MTHFD1: variants seen among roughly 807,000 people sequenced by gnomAD.
The protein encoded by MTHFD1 is methylenetetrahydrofolate dehydrogenase, cyclohydrolase and formyltetrahydrofolate synthetase 1.
A neutral mutation model predicts 110.3 loss-of-function variants in MTHFD1; 44 were observed. The ratio of observed to expected loss-of-function variants is 0.40; its 90% CI spans 0.31 to 0.51. MTHFD1 has a LOEUF of 0.51. Among genes scored for constraint, MTHFD1 ranks in the 20% least tolerant of loss-of-function variants. The pLI, the probability that MTHFD1 is intolerant of heterozygous loss-of-function variation, is 0.60. For synonymous variants in MTHFD1, 402 were observed against 428.8 expected (o/e 0.94, Z 0.77); for missense variants, 909 against 1,173.1 (o/e 0.77, Z 3.29).
intron 4 of MTHFD1, among the ~76,000 whole-genome samples, chr14:64,413,820 CTT>C (rs1491268567): frequency 6.6e-6 from 1 of 152,062 alleles, no homozygotes. Flanking sequence ...GTTCTTAGCT[CTT>C]TTTATTTTAT....
At chr14:64,405,997 A>G (rs2077932619) in intron 2 of MTHFD1, among the ~76,000 whole-genome samples, 1 of 149,140 alleles carries the variant, frequency 6.7e-6, no homozygotes, top group Non-Finnish European at 1.5e-5. Context: ...AATTTTATAT[A>G]TATGTGTGTG....
rs903176404 is a variant in MTHFD1, at chr14:64,454,894, G to T, written c.2718+19G>T. ...AGGAACGGTAAGTGCATGCTGCAAG[G>T]GAGTAGTGGGCGCATCTGCACTTCT... On this transcript the variant is annotated intron_variant, in intron 26 of 27. Coordinates refer to ENST00000652337, the MANE Select transcript of MTHFD1 (RefSeq NM_005956.4). The T allele has an allele frequency of 2.2e-5, 35 of 1,613,500 alleles. No homozygotes were observed. Among genetic ancestry groups the T allele is most frequent in the Admixed American group, 6.7e-5 (4 of 60,008 alleles).
At chr14:64,421,686 C>T (rs996538437) in intron 8 of MTHFD1, among the ~76,000 whole-genome samples, 2 of 151,300 alleles carry the variant, frequency 1.3e-5, no homozygotes, top group Non-Finnish European at 2.9e-5. Context: ...TGCTGTGGCG[C>T]GATCTCGGCT....
chr14:64,444,578 C>T (rs1223550361), intron 21 of MTHFD1, 115 bp from the exon 22 acceptor site: 5 of 1,139,462 alleles, frequency 4.4e-6, no homozygotes, highest in Non-Finnish European at 6.6e-6. Flanking sequence ...TAATCTTATA[C>T]TACTGTACAG....
chr14:64,454,929 T>G, intron 26 of MTHFD1, 54 bp downstream of exon 26: 1 of 1,589,572 alleles, frequency 6.3e-7, no homozygotes, highest in South Asian at 1.1e-5. Context: ...TCGTCTGAAG[T>G]GTGTTGCCGA....
chr14:64,415,492 T>C lies in MTHFD1; in HGVS notation c.375T>C (p.Asp125=). The change falls in exon 5 of 28, where the codon GAT becomes GAC. Residue 125 remains aspartate (D), a splice_region_variant and synonymous_variant. Coordinates refer to ENST00000652337, the MANE Select transcript of MTHFD1 (RefSeq NM_005956.4). ...CTATTGCACCCGAGAAGGATGTGGATGGGTAAGTGTGGCTTGGCTTCCTAT... is the reference window on the plus strand; with the variant it reads ...CTATTGCACCCGAGAAGGATGTGGACGGGTAAGTGTGGCTTGGCTTCCTAT... The part of the protein sequence containing the change: ...INAIAPEKDV[D]GLTSINAGKL... 5 of 1,614,174 alleles carry C rather than the reference T, an allele frequency of 3.1e-6. No individual in the cohort carries two copies. The highest frequency in any genetic ancestry group is 3.4e-6 in the Non-Finnish European group (4 of 1,180,002).
intron 8 of MTHFD1, among the ~76,000 whole-genome samples, chr14:64,423,286 T>A (rs2078089683): frequency 6.6e-6 from 1 of 152,132 alleles, no homozygotes; most frequent in Non-Finnish European, 1.5e-5. Flanking sequence ...GGAGGCTGCT[T>A]TTTCAATTTC....
At chr14:64,449,363 CAT>C in intron 23 of MTHFD1, 80 bp from the exon 24 acceptor site, 1 of 1,507,712 alleles carries the variant, frequency 6.6e-7, no homozygotes, top group Non-Finnish European at 9.2e-7. Flanking sequence ...GGGTAATTCA[CAT>C]GAGGTTTAAT....
chr14:64,434,992 C>A (rs1198250700), intron 15 of MTHFD1, among the ~76,000 whole-genome samples: 2 of 145,386 alleles, frequency 1.4e-5, no homozygotes, highest in Non-Finnish European at 3.0e-5. Flanking sequence ...GAGTCTCACC[C>A]AGGCTGGAGT....
intron 16 of MTHFD1, 149 bp downstream of exon 16, chr14:64,435,820 TTTC>T (rs1170076187): frequency 1.4e-6 from 1 of 690,662 alleles, no homozygotes. Flanking sequence ...ATTATTTCTT[TTTC>T]TTGCCACCTC....
intron 12 of MTHFD1, among the ~76,000 whole-genome samples, chr14:64,428,862 C>T (rs2078138039): frequency 6.6e-6 from 1 of 152,048 alleles, no homozygotes; most frequent in African/African-American, 2.4e-5. Context: ...CACCCTTCCA[C>T]CTATTTTATA....
chr14:64,404,298 A>G (rs2077921484), intron 2 of MTHFD1, among the ~76,000 whole-genome samples: 1 of 151,954 alleles, frequency 6.6e-6, no homozygotes, highest in Non-Finnish European at 1.5e-5. Context: ...GTTGCTCATC[A>G]CCCTAATACC....
intron 1 of MTHFD1, among the ~76,000 whole-genome samples, chr14:64,394,147 T>G (rs1403084368): frequency 6.6e-6 from 1 of 152,080 alleles, no homozygotes; most frequent in Non-Finnish European, 1.5e-5. Flanking sequence ...TCCTTGACCT[T>G]GAAGAAGTGG....
At chr14:64,423,683 A>T (rs1218472619) in intron 8 of MTHFD1, among the ~76,000 whole-genome samples, 1 of 149,354 alleles carries the variant, frequency 6.7e-6, no homozygotes, top group Non-Finnish European at 1.5e-5. Context: ...GGTGTGAGCC[A>T]CCACACCTGG....
At chr14:64,441,615 G>A (rs930433616) in intron 19 of MTHFD1, 162 bp downstream of exon 19, 4 of 665,592 alleles carry the variant, frequency 6.0e-6, no homozygotes, top group African/African-American at 1.8e-5. Context: ...GACCATCCTG[G>A]CTAACATGGT....
intron 1 of MTHFD1, among the ~76,000 whole-genome samples, chr14:64,392,582 A>C (rs1397729039): frequency 6.6e-6 from 1 of 152,154 alleles, no homozygotes; most frequent in African/African-American, 2.4e-5. Context: ...GGCCAAGTGC[A>C]GGGCAAGTTG....
At chr14:64,418,606 G>A (rs1261935953) in intron 7 of MTHFD1, among the ~76,000 whole-genome samples, 6 of 151,926 alleles carry the variant, frequency 3.9e-5, no homozygotes, top group African/African-American at 1.5e-4. Flanking sequence ...GCCCAGGCTG[G>A]AGTGCAATGG....
intron 1 of MTHFD1, among the ~76,000 whole-genome samples, chr14:64,395,200 G>A (rs2077837536): frequency 6.6e-6 from 1 of 152,188 alleles, no homozygotes; most frequent in Non-Finnish European, 1.5e-5. Context: ...GTGGCCTAGA[G>A]GCCAAATGTT....
chr14:64,415,393 T>C lies in MTHFD1; in HGVS notation c.276T>C (p.Ser92=), dbSNP rs371016333. The change falls in exon 5 of 28, where the codon TCT becomes TCC. Residue 92 remains serine (S), a synonymous_variant. Transcript: ENST00000652337. ...ACATTACATCTTTGAATGAAGACTC[T>C]ACTGTACATGGGTTCTTAGTGCAGC... ...MKYITSLNED[S]TVHGFLVQLP... The C allele has an allele frequency of 6.2e-7, 1 of 1,611,036 alleles. No individual in the cohort carries two copies. The highest frequency in any genetic ancestry group is 2.2e-5 in the East Asian group (1 of 44,868).
Sources: allele counts gnomAD v4.1 joint callset (sites outside exome capture counted in the v4.1 genomes callset), GRCh38; gene constraint gnomAD v4.1.1; transcripts MANE v1.5; gene names NCBI Gene and HGNC (gene_info 2026-07-23, HGNC 2026-07-21).